The following KCNQ3 variants were observed in gnomAD, a reference collection of about 807,000 sequenced individuals.
KCNQ3 encodes the protein potassium voltage-gated channel subfamily Q member 3.
Under a neutral mutation model 92.5 loss-of-function variants are expected in KCNQ3, and 30 were observed. The ratio of observed to expected loss-of-function variants is 0.32; its 90% CI spans 0.24 to 0.44. The LOEUF is 0.44. Ranked by LOEUF, KCNQ3 falls within the 20% of genes least tolerant of loss-of-function variation. The pLI is 1.00. For synonymous variants in KCNQ3, 450 were observed against 468.8 expected (o/e 0.96, Z 0.52); for missense variants, 913 against 1,140.3 (o/e 0.80, Z 2.87).
intron 1 of KCNQ3, among the ~76,000 whole-genome samples, chr8:132,206,728 TTCTC>T (rs1169273387): frequency 2.6e-5 from 4 of 152,204 alleles, no homozygotes; most frequent in Non-Finnish European, 1.5e-5. Context: ...TATCTGCATC[TTCTC>T]TCTCTTTTTC....
chr8:132,479,991 CA>C lies in KCNQ3; in HGVS notation c.386+155del, dbSNP rs1319473889. 2.5e-3 allele frequency among the ~76,000 whole-genome samples: 365 copies of C among 148,918 alleles called. 1 individual carries two copies. The East Asian group carries it at 0.031, about 13-fold the overall frequency. On this transcript the variant is annotated intron_variant, in intron 1 of 14. Transcript: ENST00000388996. ...ACACACACACACACACACACACACA[CA>C]CCCAGGGAAACGCGTGCTGAGGACG...
Position 132,122,926 on chromosome 8 carries a change from T to C in KCNQ3, c.*6336A>G, listed in dbSNP as rs1754483872. On this transcript the variant is annotated 3_prime_UTR_variant, in exon 15 of 15. Coordinates refer to ENST00000388996, the MANE Select transcript of KCNQ3 (RefSeq NM_004519.4). ...ATGTCCTAAGTTGAGTCCTGTCTGC[T>C]TCTTTGTAGCTTTTGGTGAAGGCCC... 1 of 152,212 alleles carries C rather than the reference T, an allele frequency of 6.6e-6. No individual in the cohort carries two copies. Among genetic ancestry groups the C allele is most frequent in the African/African-American group, 2.4e-5 (1 of 41,464 alleles). 9.4% of individuals were successfully genotyped at this position (152,212 alleles called of 1,614,324 possible). A position where few individuals can be genotyped will look rare whatever the true frequency, so the allele number is the denominator to read the frequency against.
chr8:132,330,225 T>C lies in KCNQ3; in HGVS notation c.387-144044A>G, dbSNP rs181496994. On this transcript the variant is annotated intron_variant, in intron 1 of 14. Transcript: ENST00000388996. ...ACAAGAACCCAAACGAGGCAAGGAATGGATTGTCCCATAGAGCTCCCAGAG... is the reference window on the plus strand; with the variant it reads ...ACAAGAACCCAAACGAGGCAAGGAACGGATTGTCCCATAGAGCTCCCAGAG... Among the ~76,000 whole-genome samples the C allele has an allele frequency of 2.4e-3, 364 of 152,242 alleles. 1 individual carries two copies. Among genetic ancestry groups the C allele is most frequent in the African/African-American group, 8.5e-3 (352 of 41,550 alleles).
At chr8:132,453,737 C>T (rs1309120832) in intron 1 of KCNQ3, among the ~76,000 whole-genome samples, 1 of 152,130 alleles carries the variant, frequency 6.6e-6, no homozygotes, top group Non-Finnish European at 1.5e-5. Context: ...GTAGAATCCA[C>T]ACACAACAGA....
chr8:132,293,408 A>G (rs902641895), intron 1 of KCNQ3, among the ~76,000 whole-genome samples: 4 of 152,128 alleles, frequency 2.6e-5, no homozygotes, highest in African/African-American at 9.7e-5. Context: ...TTTGGGGGAC[A>G]CCCAGCTGGT....
chr8:132,143,869 A>G (rs1478609660), intron 9 of KCNQ3, among the ~76,000 whole-genome samples: 1 of 152,158 alleles, frequency 6.6e-6, no homozygotes, highest in Non-Finnish European at 1.5e-5. Context: ...GGAGATTCAT[A>G]TATTATTTTA....
chr8:132,438,666 C>G (rs1459696636), intron 1 of KCNQ3, among the ~76,000 whole-genome samples: 1 of 152,004 alleles, frequency 6.6e-6, no homozygotes, highest in Non-Finnish European at 1.5e-5. Flanking sequence ...TCTGGTCATT[C>G]TCTGTGGCGC....
chr8:132,211,193 T>C (rs944030512), intron 1 of KCNQ3, among the ~76,000 whole-genome samples: 1 of 152,214 alleles, frequency 6.6e-6, no homozygotes, highest in Non-Finnish European at 1.5e-5. Flanking sequence ...CACAGCAAAC[T>C]ATTGATATAC....
chr8:132,356,190 TAGC>T (rs1819013664), intron 1 of KCNQ3, among the ~76,000 whole-genome samples: 1 of 152,180 alleles, frequency 6.6e-6, no homozygotes, highest in Non-Finnish European at 1.5e-5. Flanking sequence ...ATTCAGAAAG[TAGC>T]AGAAGACACA....
intron 1 of KCNQ3, among the ~76,000 whole-genome samples, chr8:132,343,723 T>C (rs1200015341): frequency 1.3e-5 from 2 of 152,046 alleles, no homozygotes; most frequent in African/African-American, 4.8e-5. Context: ...GCTCCCTGAT[T>C]TCCCAAGCTG....
At chr8:132,258,167 C>T (rs567609882) in intron 1 of KCNQ3, among the ~76,000 whole-genome samples, 60 of 152,218 alleles carry the variant, frequency 3.9e-4, no homozygotes, top group African/African-American at 1.4e-3. Flanking sequence ...CTAGACATAA[C>T]AGACAACTAT....
At chr8:132,132,367 C>T in intron 13 of KCNQ3, 103 bp from the exon 14 acceptor site, 1 of 842,322 alleles carries the variant, frequency 1.2e-6, no homozygotes, top group Non-Finnish European at 2.0e-6. Flanking sequence ...TCGTTCTCAC[C>T]CTCACACTTG....
At chr8:132,320,913 G>C (rs183624757) in intron 1 of KCNQ3, among the ~76,000 whole-genome samples, 1 of 152,208 alleles carries the variant, frequency 6.6e-6, no homozygotes, top group Non-Finnish European at 1.5e-5. Flanking sequence ...CAGTCCTTAG[G>C]GTTTTTCAGC....
chr8:132,197,774 A>C (rs1827342223), intron 1 of KCNQ3, among the ~76,000 whole-genome samples: 1 of 152,234 alleles, frequency 6.6e-6, no homozygotes, highest in African/African-American at 2.4e-5. Context: ...TCACTAACAA[A>C]GCATTTTATT....
intron 1 of KCNQ3, among the ~76,000 whole-genome samples, chr8:132,440,818 T>G (rs1263189643): frequency 6.6e-6 from 1 of 152,176 alleles, no homozygotes; most frequent in Non-Finnish European, 1.5e-5. Context: ...GGCCAAACCC[T>G]GCAAAATACA....
At chr8:132,169,822 T>C (rs1563784874) in intron 8 of KCNQ3, among the ~76,000 whole-genome samples, 1 of 152,202 alleles carries the variant, frequency 6.6e-6, no homozygotes, top group Non-Finnish European at 1.5e-5. Flanking sequence ...CTTAATTAGC[T>C]TGAGGTGTGG....
intron 8 of KCNQ3, among the ~76,000 whole-genome samples, chr8:132,169,612 C>T (rs1826251981): frequency 6.6e-6 from 1 of 152,120 alleles, no homozygotes; most frequent in Non-Finnish European, 1.5e-5. Context: ...GAGGAACATC[C>T]AAGATTTCAG....
chr8:132,453,706 T>C (rs1286208721), intron 1 of KCNQ3, among the ~76,000 whole-genome samples: 4 of 152,060 alleles, frequency 2.6e-5, no homozygotes, highest in African/African-American at 4.8e-5. Flanking sequence ...AGCACAAACA[T>C]TGACCGACTT....
intron 1 of KCNQ3, among the ~76,000 whole-genome samples, chr8:132,425,600 C>A (rs1174538899): frequency 6.6e-6 from 1 of 152,068 alleles, no homozygotes. Context: ...CAGCCACGAC[C>A]CCAAAACCTT....
Sources: allele counts gnomAD v4.1 joint callset (sites outside exome capture counted in the v4.1 genomes callset), GRCh38; gene constraint gnomAD v4.1.1; transcripts MANE v1.5; gene names NCBI Gene and HGNC (gene_info 2026-07-23, HGNC 2026-07-21).